The following GUCY1B1 variants were observed in gnomAD, a reference collection of about 807,000 sequenced individuals.
The protein encoded by GUCY1B1 is guanylate cyclase soluble subunit beta-1.
In GUCY1B1, 43 loss-of-function variants were observed where a neutral mutation model predicts 71.0. That is an observed-to-expected ratio of 0.61 (90% CI 0.47 to 0.78). The LOEUF is 0.78. GUCY1B1 is among the 30% of genes least tolerant of loss of function. The probability of loss-of-function intolerance (pLI) is 0.00; values close to 1 mark genes in which losing one functional copy is unlikely to be tolerated. For synonymous variants in GUCY1B1, 266 were observed against 259.7 expected, an observed-to-expected ratio of 1.02 and a Z score of -0.23; for missense variants, 535 against 754.1, an observed-to-expected ratio of 0.71 and a Z score of 3.40.
intron 3 of GUCY1B1, among the ~76,000 whole-genome samples, 188 bp downstream of exon 3, chr4:155,775,256 C>A (rs1737962645): frequency 6.6e-6 from 1 of 152,156 alleles, no homozygotes; most frequent in Non-Finnish European, 1.5e-5. Context: ...TTTCCTTTTG[C>A]AAATTCTTTA....
intron 2 of GUCY1B1, among the ~76,000 whole-genome samples, chr4:155,761,723 G>T (rs1241339132): frequency 6.6e-6 from 1 of 152,114 alleles, no homozygotes; most frequent in Non-Finnish European, 1.5e-5. Flanking sequence ...TGAGAATATT[G>T]TTCCATTCTA....
chr4:155,794,121 C>T, intron 6 of GUCY1B1, 35 bp downstream of exon 6: 2 of 1,154,958 alleles, frequency 1.7e-6, no homozygotes, highest in Non-Finnish European at 2.6e-6. Flanking sequence ...GGGCCTGAGA[C>T]AAAAGCCCAT....
chr4:155,801,031 A>G (rs1157527195), intron 9 of GUCY1B1, among the ~76,000 whole-genome samples: 1 of 152,214 alleles, frequency 6.6e-6, no homozygotes, highest in Non-Finnish European at 1.5e-5. Flanking sequence ...TATAAATAAC[A>G]TAGCCTTTAA....
intron 1 of GUCY1B1, 151 bp downstream of exon 1, chr4:155,759,294 A>G: frequency 2.8e-6 from 2 of 718,562 alleles, no homozygotes; most frequent in Non-Finnish European, 4.4e-6. Flanking sequence ...GCCCGCGCCC[A>G]GTCAGGGGAG....
chr4:155,802,241 A>G lies in GUCY1B1; in HGVS notation c.1176-101A>G. On this transcript the variant is annotated intron_variant, in intron 9 of 13. Coordinates refer to ENST00000264424, the MANE Select transcript of GUCY1B1 (RefSeq NM_000857.5). The surrounding 1 kb of genome is among the most constrained non-coding windows in gnomAD (Gnocchi z 4.3). ...ATGTCCTGCTAGAATCCAGGCCTTT[A>G]AAGTACAAACGACACTGATGCTGTG... is the stretch of plus-strand genomic sequence containing the variant. 1.9e-6 allele frequency: 3 copies of G among 1,554,430 alleles called. No homozygotes were observed. The highest frequency in any genetic ancestry group is 2.6e-6 in the Non-Finnish European group (3 of 1,152,898).
At chr4:155,787,398 C>T (rs1052391382) in intron 4 of GUCY1B1, among the ~76,000 whole-genome samples, 1 of 152,138 alleles carries the variant, frequency 6.6e-6, no homozygotes, top group Admixed American at 6.5e-5. Context: ...TAGATGCAGA[C>T]GGTTCAAAAA....
Position 155,802,647 on chromosome 4 carries a change from G to T in GUCY1B1, c.1413+68G>T. The T allele has an allele frequency of 7.2e-7, 1 of 1,385,732 alleles. No homozygotes were observed. Among genetic ancestry groups the T allele is most frequent in the Non-Finnish European group, 9.7e-7 (1 of 1,028,480 alleles). The allele number at this position is 1,385,732 out of a possible 1,614,324, so 85.8% of individuals were successfully genotyped here. On this transcript the variant is annotated intron_variant, in intron 10 of 13. Coordinates refer to ENST00000264424, the MANE Select transcript of GUCY1B1 (RefSeq NM_000857.5). This position sits in a 1 kb window ranked among gnomAD's most constrained non-coding sequence, Gnocchi z 4.3. ...GGCGTTCTGAGACTCCCCTCCAGAG[G>T]CCATGTCATCACAGCTCTCTGACTC...
chr4:155,793,612 T>C (rs547416478), intron 5 of GUCY1B1, among the ~76,000 whole-genome samples: 2 of 152,204 alleles, frequency 1.3e-5, no homozygotes, highest in East Asian at 1.9e-4. Flanking sequence ...AAAGAGACCA[T>C]ATAGGATACT....
intron 5 of GUCY1B1, among the ~76,000 whole-genome samples, chr4:155,791,074 C>T (rs1739117007): frequency 6.6e-6 from 1 of 151,932 alleles, no homozygotes; most frequent in Non-Finnish European, 1.5e-5. Context: ...GATTGGGAAT[C>T]TCACTGGTAT....
intron 4 of GUCY1B1, among the ~76,000 whole-genome samples, chr4:155,782,358 G>C (rs1223448812): frequency 6.6e-6 from 1 of 152,160 alleles, no homozygotes; most frequent in East Asian, 1.9e-4. Flanking sequence ...CAAAGTGCTG[G>C]GATTACAGGC....
intron 4 of GUCY1B1, among the ~76,000 whole-genome samples, chr4:155,788,646 C>T (rs1047486262): frequency 5.9e-5 from 9 of 152,158 alleles, no homozygotes; most frequent in South Asian, 4.1e-4. Flanking sequence ...TTTTCAGCCT[C>T]GTCTGAAATG....
intron 9 of GUCY1B1, among the ~76,000 whole-genome samples, chr4:155,800,894 G>C (rs1208776856): frequency 6.6e-6 from 1 of 152,090 alleles, no homozygotes; most frequent in African/African-American, 2.4e-5. Context: ...TGGGTTTGTA[G>C]GTTTGAGTTA....
chr4:155,802,676 C>A lies in GUCY1B1; in HGVS notation c.1413+97C>A. On this transcript the variant is annotated intron_variant, in intron 10 of 13. Transcript: ENST00000264424. This position sits in a 1 kb window ranked among gnomAD's most constrained non-coding sequence, Gnocchi z 4.3. ...TGTCATCACAGCTCTCTGACTCCAGCACTGCAGCCTTGAGTACAGTGAGCC... is the reference window on the plus strand; with the variant it reads ...TGTCATCACAGCTCTCTGACTCCAGAACTGCAGCCTTGAGTACAGTGAGCC... 9.6e-7 allele frequency: 1 copy of A among 1,037,956 alleles called. No individual in the cohort carries two copies. The highest frequency in any genetic ancestry group is 1.4e-6 in the Non-Finnish European group (1 of 720,428). The allele number at this position is 1,037,956 out of a possible 1,614,324, so 64.3% of individuals were successfully genotyped here.
intron 4 of GUCY1B1, among the ~76,000 whole-genome samples, chr4:155,781,107 T>A (rs566911447): frequency 1.1e-4 from 17 of 152,322 alleles, no homozygotes; most frequent in African/African-American, 4.1e-4. Flanking sequence ...ACCATACCAT[T>A]GTTTTTACTT....
chr4:155,797,008 AT>A (rs1448559966), intron 8 of GUCY1B1, among the ~76,000 whole-genome samples: 1 of 152,234 alleles, frequency 6.6e-6, no homozygotes, highest in Non-Finnish European at 1.5e-5. Flanking sequence ...TGTTCCAAAT[AT>A]ATTATTCAAT....
rs1454432172 is a variant in GUCY1B1, at chr4:155,796,568, G to A, written c.977+58G>A. 6 of 1,135,944 alleles carry A rather than the reference G, an allele frequency of 5.3e-6. No homozygotes were observed. The South Asian group carries it at 7.3e-5, about 14-fold the overall frequency. 70.4% of individuals were successfully genotyped at this position (1,135,944 alleles called of 1,614,324 possible). ...CAGTACCTATCTTTAGCTAACAAAG[G>A]AATGCCACAATATTTTATTCCATTA... On this transcript the variant is annotated intron_variant, in intron 8 of 13. Coordinates refer to ENST00000264424, the MANE Select transcript of GUCY1B1 (RefSeq NM_000857.5).
At chr4:155,772,818 C>T in intron 2 of GUCY1B1, 1 of 700,698 alleles carries the variant, frequency 1.4e-6, no homozygotes. Context: ...TCTGTGCTTA[C>T]AGAAAACATG....
chr4:155,766,479 A>G (rs1737343144), intron 2 of GUCY1B1, among the ~76,000 whole-genome samples: 1 of 152,154 alleles, frequency 6.6e-6, no homozygotes, highest in Admixed American at 6.6e-5. Context: ...AACAAATTTC[A>G]AGTATTCATT....
Position 155,803,611 on chromosome 4 carries a change from T to C in GUCY1B1, c.1414-13T>C, listed in dbSNP as rs2111177574. 3 of 1,504,098 alleles carry C rather than the reference T, an allele frequency of 2.0e-6. No individual in the cohort carries two copies. Among genetic ancestry groups the C allele is most frequent in the East Asian group, 5.1e-5 (2 of 39,520 alleles). The allele number at this position is 1,504,098 out of a possible 1,614,324, so 93.2% of individuals were successfully genotyped here. A position where few individuals can be genotyped will look rare whatever the true frequency, so the allele number is the denominator to read the frequency against. ...TATGCTAACCGTGAACATCTAAATA[T>C]ATGTACTGTTAGGTGGAGACTGTTG... On this transcript the variant is annotated splice_polypyrimidine_tract_variant and intron_variant, in intron 10 of 13. Transcript: ENST00000264424.
Sources: gnomAD v4.1 joint callset for allele counts (sites outside exome capture counted in the v4.1 genomes callset) on GRCh38, gnomAD v4.1.1 for gene constraint, Gnocchi (gnomAD v3.1) non-coding constraint, MANE v1.5 for transcripts, NCBI Gene and HGNC (gene_info 2026-07-23, HGNC 2026-07-21) for gene names.